SLC7A1: variants seen among roughly 807,000 people sequenced by gnomAD.
SLC7A1 encodes the protein solute carrier family 7 member 1, also known as high affinity cationic amino acid transporter 1.
SLC7A1 carries 10 observed loss-of-function variants against 53.9 expected under a neutral mutation model. The observed-to-expected ratio is 0.19, with a 90% CI of 0.11 to 0.31. SLC7A1 has a LOEUF of 0.31. Among genes scored for constraint, SLC7A1 ranks in the 10% least tolerant of loss-of-function variants. The probability of loss-of-function intolerance (pLI) is 1.00; values close to 1 mark genes in which losing one functional copy is unlikely to be tolerated. For synonymous variants in SLC7A1, 342 were observed against 338.7 expected (o/e 1.01, Z -0.11); for missense variants, 525 against 827.2 (o/e 0.63, Z 4.48).
At chr13:29,577,587 C>T (rs1468817288) in intron 1 of SLC7A1, among the ~76,000 whole-genome samples, 4 of 152,200 alleles carry the variant, frequency 2.6e-5, no homozygotes, top group Non-Finnish European at 4.4e-5. Context: ...GTTGTGTCCA[C>T]GCTGGGGCTG....
chr13:29,544,401 A>T (rs1056810457), intron 2 of SLC7A1, among the ~76,000 whole-genome samples: 3 of 152,256 alleles, frequency 2.0e-5, no homozygotes, highest in African/African-American at 7.2e-5. Flanking sequence ...AGAAAACAAT[A>T]GTAATAACTA....
At chr13:29,580,358 G>A (rs984062141) in intron 1 of SLC7A1, among the ~76,000 whole-genome samples, 1 of 152,134 alleles carries the variant, frequency 6.6e-6, no homozygotes, top group Non-Finnish European at 1.5e-5. Flanking sequence ...TAAGAGTCCA[G>A]GATTCCTACA....
At chr13:29,585,246 T>C (rs1262760469) in intron 1 of SLC7A1, among the ~76,000 whole-genome samples, 2 of 152,186 alleles carry the variant, frequency 1.3e-5, no homozygotes. Context: ...CCCTAACTGG[T>C]CTGGATGGAG....
At position 29,595,511 on chromosome 13, in the gene SLC7A1, G is replaced by T; in HGVS notation, c.-210C>A. Reference sequence around the variant, plus strand: ...GGACGCTCGGCCGGCGAGACCGGGCGGGGCGGGGCGGGGCGGGGGCGCGGC... The same window carrying T: ...GGACGCTCGGCCGGCGAGACCGGGCTGGGCGGGGCGGGGCGGGGGCGCGGC... On this transcript the variant is annotated 5_prime_UTR_variant, in exon 1 of 13. Coordinates refer to ENST00000380752, the MANE Select transcript of SLC7A1 (RefSeq NM_003045.5). 1 of 7,464 alleles carries T rather than the reference G, an allele frequency of 1.3e-4. No individual in the cohort carries two copies. Among genetic ancestry groups the T allele is most frequent in the South Asian group, 4.2e-3 (1 of 238 alleles). The allele number at this position is 7,464 out of a possible 1,614,324, so 0.5% of individuals were successfully genotyped here.
intron 6 of SLC7A1, 119 bp downstream of exon 6, chr13:29,524,013 G>T: frequency 2.1e-6 from 2 of 944,000 alleles, no homozygotes; most frequent in Non-Finnish European, 3.2e-6. Context: ...AAATCTACAT[G>T]TTGCTCATGT....
intron 1 of SLC7A1, among the ~76,000 whole-genome samples, chr13:29,584,882 C>T (rs1161608282): frequency 6.6e-6 from 1 of 152,204 alleles, no homozygotes; most frequent in Non-Finnish European, 1.5e-5. Context: ...CTATGAGTAT[C>T]TTTTCTCACT....
intron 1 of SLC7A1, among the ~76,000 whole-genome samples, chr13:29,577,730 T>C (rs1566275819): frequency 1.3e-5 from 2 of 152,246 alleles, no homozygotes; most frequent in Non-Finnish European, 1.5e-5. Flanking sequence ...CAAGAAATAA[T>C]ATCTTGGTCA....
In SLC7A1 at chr13:29,567,838, CT is replaced by C. The variant is rs112376344; in HGVS notation, c.-114-13979del. On this transcript the variant is annotated intron_variant, in intron 1 of 12. Transcript: ENST00000380752. ...AGCAAGCTCTTGCAAGTCTTGGCCT[CT>C]TTTTTTTTTGGACTTAATTTGTTCT... 2.5e-3 allele frequency among the ~76,000 whole-genome samples: 373 copies of C among 149,088 alleles called. 4 individuals are homozygous for C. The highest frequency in any genetic ancestry group is 7.1e-3 in the African/African-American group (291 of 40,836).
intron 2 of SLC7A1, among the ~76,000 whole-genome samples, chr13:29,550,776 C>T (rs1870142858): frequency 1.3e-5 from 2 of 152,190 alleles, no homozygotes; most frequent in Non-Finnish European, 2.9e-5. Context: ...CTGACTCCTG[C>T]TGATTCCTGG....
chr13:29,546,953 A>C lies in SLC7A1; in HGVS notation c.-15+6808T>G, dbSNP rs148592652. Among the ~76,000 whole-genome samples, 81 of 152,320 alleles carry C rather than the reference A, an allele frequency of 5.3e-4. 1 individual carries two copies. Among genetic ancestry groups the C allele is most frequent in the African/African-American group, 1.9e-3 (80 of 41,566 alleles). ...CACAATTGCTAATCCTCTTGTAAGA[A>C]TAAGAGCGCGGAGTGTAGCTGGCAG... is the stretch of plus-strand genomic sequence containing the variant. On this transcript the variant is annotated intron_variant, in intron 2 of 12. Transcript: ENST00000380752.
At chr13:29,551,723 A>G (rs1052298922) in intron 2 of SLC7A1, among the ~76,000 whole-genome samples, 1 of 152,200 alleles carries the variant, frequency 6.6e-6, no homozygotes, top group African/African-American at 2.4e-5. Context: ...AAGTCATGCT[A>G]CTAATTAAGC....
chr13:29,524,263 A>G lies in SLC7A1; in HGVS notation c.705-10T>C. The stretch of plus-strand genomic sequence containing the variant: ...CCCTTCTTTTGTGTCACTAGAAAAA[A>G]GAGCCGCAAACAAATGTCACGTCAC... On this transcript the variant is annotated splice_polypyrimidine_tract_variant and intron_variant, in intron 5 of 12. Coordinates refer to ENST00000380752, the MANE Select transcript of SLC7A1 (RefSeq NM_003045.5). The G allele has an allele frequency of 1.2e-6, 2 of 1,614,068 alleles. No homozygotes were observed. Among genetic ancestry groups the G allele is most frequent in the Non-Finnish European group, 1.7e-6 (2 of 1,179,966 alleles).
intron 1 of SLC7A1, among the ~76,000 whole-genome samples, chr13:29,561,890 G>C (rs1870773710): frequency 6.6e-6 from 1 of 152,160 alleles, no homozygotes; most frequent in South Asian, 2.1e-4. Context: ...AATTCCCAAA[G>C]GGTTTTCTGG....
At chr13:29,528,344 C>T (rs1337429569) in intron 5 of SLC7A1, among the ~76,000 whole-genome samples, 1 of 152,230 alleles carries the variant, frequency 6.6e-6, no homozygotes, top group East Asian at 1.9e-4. Flanking sequence ...CAGCGGCAGC[C>T]TGAGTCAAAG....
In SLC7A1 at chr13:29,513,381, G is replaced by T. The variant is rs1883452741; in HGVS notation, c.*1099C>A. ...TAATGTTATGCCCTAACTTAATCTG[G>T]TGGAGTGTCACAATTTCATGGACTG... On this transcript the variant is annotated 3_prime_UTR_variant, in exon 13 of 13. Transcript: ENST00000380752. The T allele has an allele frequency of 6.5e-6, 1 of 152,686 alleles. No homozygotes were observed. The highest frequency in any genetic ancestry group is 1.5e-5 in the Non-Finnish European group (1 of 68,066). 9.5% of individuals were successfully genotyped at this position (152,686 alleles called of 1,614,324 possible). A position where few individuals can be genotyped will look rare whatever the true frequency, so the allele number is the denominator to read the frequency against.
intron 1 of SLC7A1, among the ~76,000 whole-genome samples, chr13:29,577,084 T>C (rs959467327): frequency 2.0e-5 from 3 of 152,242 alleles, no homozygotes; most frequent in Non-Finnish European, 4.4e-5. Context: ...AGGTGAATTC[T>C]AAAATTCAAA....
chr13:29,576,903 C>T (rs140198437), intron 1 of SLC7A1, among the ~76,000 whole-genome samples: 24 of 152,278 alleles, frequency 1.6e-4, no homozygotes, highest in African/African-American at 5.3e-4. Flanking sequence ...GGCTAGAACC[C>T]AGGTCTGTCT....
intron 1 of SLC7A1, among the ~76,000 whole-genome samples, chr13:29,560,319 C>T (rs990198396): frequency 1.3e-5 from 2 of 152,014 alleles, no homozygotes; most frequent in Non-Finnish European, 2.9e-5. Flanking sequence ...ATAACAATGC[C>T]TTCTTCTGAA....
At chr13:29,581,382 C>A (rs1269296189) in intron 1 of SLC7A1, among the ~76,000 whole-genome samples, 1 of 151,868 alleles carries the variant, frequency 6.6e-6, no homozygotes, top group East Asian at 1.9e-4. Flanking sequence ...CCTGTGCAAA[C>A]CCCCGTGCTA....
Sources: allele counts gnomAD v4.1 joint callset (sites outside exome capture counted in the v4.1 genomes callset), GRCh38; gene constraint gnomAD v4.1.1; transcripts MANE v1.5; gene names NCBI Gene and HGNC (gene_info 2026-07-23, HGNC 2026-07-21).